Variants in NRF1 observed in about 807,000 individuals in gnomAD.
NRF1 encodes alpha palindromic-binding protein.
Under a neutral mutation model 58.5 loss-of-function variants are expected in NRF1, and 5 were observed. That is an observed-to-expected ratio of 0.09 (90% CI 0.04 to 0.18). The LOEUF (loss-of-function observed/expected upper bound fraction) is 0.18, where lower values mean the gene tolerates loss of function less well. NRF1 is among the 10% of genes least tolerant of loss of function. The pLI is 1.00. For missense variants in NRF1, 288 were observed against 657.7 expected (o/e 0.44, Z 6.15); for synonymous variants, 224 against 246.7 (o/e 0.91, Z 0.86).
At chr7:129,645,131 C>T (rs1208820283) in intron 1 of NRF1, among the ~76,000 whole-genome samples, 2 of 151,910 alleles carry the variant, frequency 1.3e-5, no homozygotes, top group East Asian at 1.9e-4. Context: ...GAATAAGTTA[C>T]ACTTATATAG....
chr7:129,688,519 GT>G (rs1330262418), intron 4 of NRF1, among the ~76,000 whole-genome samples: 1 of 152,128 alleles, frequency 6.6e-6, no homozygotes, highest in African/African-American at 2.4e-5. Flanking sequence ...CAGAAGCTAG[GT>G]GTATTAGTCC....
In NRF1 at chr7:129,642,773, T is replaced by TG. The variant is rs1460555624; in HGVS notation, c.-6-14573_-6-14572insG. Among the ~76,000 whole-genome samples, 4 of 149,410 alleles carry TG rather than the reference T, an allele frequency of 2.7e-5. No homozygotes were observed. The East Asian group carries it at 9.2e-4, about 34-fold the overall frequency. On this transcript the variant is annotated intron_variant, in intron 1 of 10. Transcript: ENST00000393232. ...CTTTAAAAAATTTTTTTTTTTTTTT[T>TG]TTTAAATGAGATAGGGTCCCATTGT...
intron 5 of NRF1, among the ~76,000 whole-genome samples, chr7:129,690,807 T>TA (rs954505262): frequency 1.6e-4 from 24 of 150,358 alleles, no homozygotes; most frequent in East Asian, 1.6e-3. Flanking sequence ...GGGTTGGATT[T>TA]AAAAAAAAAC....
At chr7:129,666,292 T>C (rs1801919770) in intron 2 of NRF1, among the ~76,000 whole-genome samples, 1 of 152,214 alleles carries the variant, frequency 6.6e-6, no homozygotes. Context: ...ACCAGTATTC[T>C]AGATTTGGTC....
At chr7:129,643,027 G>A (rs1036081144) in intron 1 of NRF1, among the ~76,000 whole-genome samples, 5 of 152,074 alleles carry the variant, frequency 3.3e-5, no homozygotes, top group Admixed American at 2.6e-4. Context: ...CCAGTCATAG[G>A]TTTTCTTGGA....
At chr7:129,627,329 A>C (rs56028831) in intron 1 of NRF1, among the ~76,000 whole-genome samples, 28,788 of 151,856 alleles carry the variant, frequency 0.19, 3,007 homozygotes, top group East Asian at 0.47. Flanking sequence ...CTCCCACCTT[A>C]GTTTCCCCAG....
chr7:129,682,630 T>TAAAA (rs771494622), intron 4 of NRF1, among the ~76,000 whole-genome samples: 1 of 87,870 alleles, frequency 1.1e-5, no homozygotes, highest in Non-Finnish European at 2.5e-5. Context: ...CAAAAAAATG[T>TAAAA]AAAAAAAAAA....
intron 1 of NRF1, among the ~76,000 whole-genome samples, chr7:129,643,957 C>CTATG (rs1193970244): frequency 4.6e-5 from 7 of 152,222 alleles, no homozygotes; most frequent in African/African-American, 1.7e-4. Context: ...TGTCCCCTTG[C>CTATG]TATGCCATGT....
At chr7:129,690,193 T>C (rs1263243307) in intron 4 of NRF1, among the ~76,000 whole-genome samples, 1 of 152,226 alleles carries the variant, frequency 6.6e-6, no homozygotes, top group Admixed American at 6.5e-5. Flanking sequence ...TCTTCTATTG[T>C]TGTTACCTGC....
chr7:129,673,241 A>G (rs1201428201), intron 3 of NRF1, among the ~76,000 whole-genome samples: 1 of 152,172 alleles, frequency 6.6e-6, no homozygotes, highest in African/African-American at 2.4e-5. Context: ...TTAAGAGAGA[A>G]TAGGGAGAGA....
chr7:129,627,594 A>G (rs1411958380), intron 1 of NRF1, among the ~76,000 whole-genome samples: 2 of 152,180 alleles, frequency 1.3e-5, no homozygotes, highest in African/African-American at 4.8e-5. Flanking sequence ...TGTTGTTGAT[A>G]GGGCACCAAA....
At chr7:129,673,696 G>A (rs533226770) in intron 3 of NRF1, among the ~76,000 whole-genome samples, 9 of 109,038 alleles carry the variant, frequency 8.3e-5, no homozygotes, top group African/African-American at 1.5e-4. Flanking sequence ...CCGCCTGGGC[G>A]ACAGAGCGAG....
In NRF1 at chr7:129,741,890, C is replaced by T. The variant is rs571855015; in HGVS notation, c.1349-13128C>T. Among the ~76,000 whole-genome samples the T allele has an allele frequency of 2.6e-5, 4 of 152,362 alleles. No individual in the cohort carries two copies. The highest frequency in any genetic ancestry group is 9.6e-5 in the African/African-American group (4 of 41,584). On this transcript the variant is annotated intron_variant, in intron 10 of 10. Coordinates refer to ENST00000393232, the MANE Select transcript of NRF1 (RefSeq NM_005011.5). This position sits in a 1 kb window ranked among gnomAD's most constrained non-coding sequence, Gnocchi z 4.0. ...AATGTGCAGAACCCAACAGCAGCAG[C>T]AGCCTGGCAGAAGCAGTAATCTGAA...
chr7:129,661,254 C>T (rs1336497160), intron 2 of NRF1, among the ~76,000 whole-genome samples: 1 of 151,314 alleles, frequency 6.6e-6, no homozygotes, highest in Admixed American at 6.5e-5. Flanking sequence ...CTGTGAAGAC[C>T]TCTGACATGC....
At chr7:129,659,135 G>C (rs1801726803) in intron 2 of NRF1, among the ~76,000 whole-genome samples, 1 of 139,620 alleles carries the variant, frequency 7.2e-6, no homozygotes, top group Admixed American at 7.7e-5. Flanking sequence ...CTGGAGTGCA[G>C]TGGCACAATC....
At chr7:129,749,926 G>C (rs1419144004) in intron 10 of NRF1, among the ~76,000 whole-genome samples, 2 of 151,966 alleles carry the variant, frequency 1.3e-5, no homozygotes, top group Non-Finnish European at 2.9e-5. Context: ...GTGTAGCTCT[G>C]AAATACTAAA....
intron 10 of NRF1, among the ~76,000 whole-genome samples, chr7:129,744,736 T>C (rs778798924): frequency 9.2e-5 from 14 of 152,232 alleles, no homozygotes; most frequent in Admixed American, 2.0e-4. Flanking sequence ...TTCAGGTGTC[T>C]CACTGCCTAG....
At chr7:129,730,691 A>G (rs1339955101) in intron 10 of NRF1, among the ~76,000 whole-genome samples, 1 of 152,072 alleles carries the variant, frequency 6.6e-6, no homozygotes, top group African/African-American at 2.4e-5. Context: ...ATAATGACCC[A>G]TAGGCCAGGC....
intron 1 of NRF1, among the ~76,000 whole-genome samples, chr7:129,650,840 T>G (rs548098246): frequency 3.7e-4 from 57 of 152,234 alleles, no homozygotes; most frequent in Middle Eastern, 6.8e-3. Context: ...ATAGAGAATA[T>G]TTAATATATT....
Sources: gnomAD v4.1 joint callset for allele counts (sites outside exome capture counted in the v4.1 genomes callset) on GRCh38, gnomAD v4.1.1 for gene constraint, Gnocchi (gnomAD v3.1) non-coding constraint, MANE v1.5 for transcripts, NCBI Gene and HGNC (gene_info 2026-07-23, HGNC 2026-07-21) for gene names.